The following EDIL3 variants were observed in gnomAD, a reference collection of about 807,000 sequenced individuals.
The protein encoded by EDIL3 is EGF like and discoidin domains 3.
A neutral mutation model predicts 67.4 loss-of-function variants in EDIL3; 37 were observed. The ratio of observed to expected loss-of-function variants is 0.55; its 90% CI spans 0.42 to 0.72. The LOEUF (loss-of-function observed/expected upper bound fraction) is 0.72. Ranked by LOEUF, EDIL3 falls within the 30% of genes least tolerant of loss-of-function variation. The probability of loss-of-function intolerance (pLI) is 0.00; values close to 1 mark genes in which losing one functional copy is unlikely to be tolerated. For synonymous variants in EDIL3, 195 were observed against 196.3 expected (o/e 0.99, Z 0.05); for missense variants, 527 against 586.3 (o/e 0.90, Z 1.04).
At chr5:83,990,911 A>G (rs1303884204) in intron 9 of EDIL3, among the ~76,000 whole-genome samples, 2 of 151,176 alleles carry the variant, frequency 1.3e-5, no homozygotes, top group Non-Finnish European at 3.0e-5. Flanking sequence ...ATAAATAAAT[A>G]AATAAATAAA....
At chr5:84,308,087 G>A (rs1295532911) in intron 1 of EDIL3, among the ~76,000 whole-genome samples, 2 of 152,082 alleles carry the variant, frequency 1.3e-5, no homozygotes, top group African/African-American at 4.8e-5. Flanking sequence ...AAGGCAGGGA[G>A]ATATTTAAGG....
intron 1 of EDIL3, among the ~76,000 whole-genome samples, chr5:84,303,371 A>G (rs757708861): frequency 3.3e-5 from 5 of 152,152 alleles, no homozygotes; most frequent in African/African-American, 4.8e-5. Context: ...TGACTGCACT[A>G]CTCATCCTCC....
At chr5:84,370,983 G>A (rs562723004) in intron 1 of EDIL3, among the ~76,000 whole-genome samples, 1 of 152,058 alleles carries the variant, frequency 6.6e-6, no homozygotes, top group East Asian at 1.9e-4. Flanking sequence ...TATATGTAAG[G>A]TACCACGTTT....
chr5:84,064,788 G>C lies in EDIL3; in HGVS notation c.864C>G (p.Pro288=). The change falls in exon 8 of 11, where the codon CCC becomes CCG. Residue 288 remains proline (P), a synonymous_variant. Coordinates refer to ENST00000296591, the MANE Select transcript of EDIL3 (RefSeq NM_005711.5). ...NTPYANSFTP[P]IKAQYVRLYP... ...AGAGTCTTACATACTGAGCTTTTATGGGGGGTGTGAAAGAGTTAGCATATG... is the reference window on the plus strand; with the variant it reads ...AGAGTCTTACATACTGAGCTTTTATCGGGGGTGTGAAAGAGTTAGCATATG... 1.2e-6 allele frequency: 2 copies of C among 1,613,574 alleles called. No homozygotes were observed. The highest frequency in any genetic ancestry group is 1.7e-6 in the Non-Finnish European group (2 of 1,179,696).
chr5:84,251,872 T>G (rs945565311), intron 2 of EDIL3, among the ~76,000 whole-genome samples: 1 of 152,144 alleles, frequency 6.6e-6, no homozygotes, highest in African/African-American at 2.4e-5. Flanking sequence ...ACAAACTAAA[T>G]ACATTTCTTC....
chr5:84,183,602 A>C (rs1749052291), intron 3 of EDIL3, among the ~76,000 whole-genome samples: 1 of 152,222 alleles, frequency 6.6e-6, no homozygotes, highest in Non-Finnish European at 1.5e-5. Flanking sequence ...ACAACTTAAT[A>C]TGAGAAAAAT....
intron 3 of EDIL3, among the ~76,000 whole-genome samples, chr5:84,213,173 T>G (rs904562059): frequency 3.6e-5 from 5 of 137,072 alleles, no homozygotes; most frequent in Admixed American, 2.3e-4. Context: ...AACTTAACAT[T>G]GATCAGTATT....
chr5:84,050,690 C>G (rs1048269661), intron 9 of EDIL3, among the ~76,000 whole-genome samples: 1 of 152,350 alleles, frequency 6.6e-6, no homozygotes, highest in East Asian at 1.9e-4. Context: ...TCAGAGGGTC[C>G]CACGCCCACA....
chr5:84,263,300 T>C (rs62363025), intron 1 of EDIL3, among the ~76,000 whole-genome samples: 14,111 of 152,182 alleles, frequency 0.093, 725 homozygotes, highest in Middle Eastern at 0.16. Context: ...GAGGGCTCAG[T>C]TTAGCTAAGG....
At chr5:84,166,329 G>C (rs1748702805) in intron 4 of EDIL3, among the ~76,000 whole-genome samples, 1 of 152,088 alleles carries the variant, frequency 6.6e-6, no homozygotes, top group Non-Finnish European at 1.5e-5. Flanking sequence ...TACTATTTAA[G>C]AGTTTTTGTT....
intron 5 of EDIL3, among the ~76,000 whole-genome samples, chr5:84,122,122 G>C (rs1005593279): frequency 6.6e-6 from 1 of 151,890 alleles, no homozygotes; most frequent in Non-Finnish European, 1.5e-5. Context: ...CTTCACTCTT[G>C]TATATCTCCT....
At chr5:84,180,631 T>G in intron 3 of EDIL3, 110 bp from the exon 4 acceptor site, 1 of 1,245,322 alleles carries the variant, frequency 8.0e-7, no homozygotes, top group South Asian at 1.9e-5. Flanking sequence ...TAGATATTAG[T>G]GGCATAGTAA....
At chr5:84,252,613 C>T (rs1010970056) in intron 2 of EDIL3, among the ~76,000 whole-genome samples, 2 of 148,972 alleles carry the variant, frequency 1.3e-5, no homozygotes, top group Non-Finnish European at 1.5e-5. Flanking sequence ...ATATTATATA[C>T]TATTATACAA....
chr5:84,056,429 C>A (rs1312960802), intron 9 of EDIL3, among the ~76,000 whole-genome samples: 8 of 151,910 alleles, frequency 5.3e-5, no homozygotes, highest in African/African-American at 1.5e-4. Context: ...ATGTAACAAA[C>A]CTTCACATTG....
At chr5:84,318,700 A>C (rs560920729) in intron 1 of EDIL3, among the ~76,000 whole-genome samples, 1 of 152,350 alleles carries the variant, frequency 6.6e-6, no homozygotes, top group African/African-American at 2.4e-5. Context: ...AAACCATAAA[A>C]ACCCTAGAAG....
chr5:84,092,314 G>C (rs1438960148), intron 6 of EDIL3, among the ~76,000 whole-genome samples: 2 of 152,148 alleles, frequency 1.3e-5, no homozygotes, highest in Non-Finnish European at 2.9e-5. Context: ...GAAACAAATG[G>C]AAACCAACTG....
rs561500682 is a variant in EDIL3, at chr5:84,291,660, C to CTA, written c.68-37450_68-37449dup. 8.7e-4 allele frequency among the ~76,000 whole-genome samples: 122 copies of CTA among 141,004 alleles called. 3 individuals carry two copies. The South Asian group carries it at 0.012, about 13-fold the overall frequency. The allele number at this position is 141,004 out of a possible 152,430, so 92.5% of individuals were successfully genotyped here. A position where few individuals can be genotyped will look rare whatever the true frequency, so the allele number is the denominator to read the frequency against. On this transcript the variant is annotated intron_variant, in intron 1 of 10. Transcript: ENST00000296591. ...TATATATCTATCTATATCTATATAT[C>CTA]TATATATATATCTATCTATATAGAT... is the stretch of plus-strand genomic sequence containing the variant.
chr5:84,253,377 T>G (rs1745070371), intron 2 of EDIL3, among the ~76,000 whole-genome samples: 1 of 152,210 alleles, frequency 6.6e-6, no homozygotes, highest in Non-Finnish European at 1.5e-5. Flanking sequence ...AAATTATTTC[T>G]CTCTTTAGTT....
chr5:83,971,551 G>A (rs1295838435), intron 9 of EDIL3, among the ~76,000 whole-genome samples: 1 of 151,760 alleles, frequency 6.6e-6, no homozygotes, highest in East Asian at 1.9e-4. Flanking sequence ...ATATGCTCTT[G>A]AAATTTGGTT....
Sources: allele counts gnomAD v4.1 joint callset (sites outside exome capture counted in the v4.1 genomes callset), GRCh38; gene constraint gnomAD v4.1.1; transcripts MANE v1.5; gene names NCBI Gene and HGNC (gene_info 2026-07-23, HGNC 2026-07-21).